FAT4: variants seen among roughly 807,000 people sequenced by gnomAD.
The protein encoded by FAT4 is FAT atypical cadherin 4, also known as protocadherin Fat 4.
Under a neutral mutation model 303.9 loss-of-function variants are expected in FAT4, and 84 were observed. The ratio of observed to expected loss-of-function variants is 0.28; its 90% CI spans 0.23 to 0.33. The LOEUF is 0.33. FAT4 is among the 10% of genes least tolerant of loss of function. FAT4 has a pLI of 1.00. For synonymous variants in FAT4, 2,307 were observed against 2,298.8 expected, an observed-to-expected ratio of 1.00 and a Z score of -0.10; for missense variants, 6,005 against 6,146.8, an observed-to-expected ratio of 0.98 and a Z score of 0.77.
intron 7 of FAT4, among the ~76,000 whole-genome samples, chr4:125,420,204 G>A (rs970620496): frequency 6.6e-6 from 1 of 152,014 alleles, no homozygotes; most frequent in African/African-American, 2.4e-5. Flanking sequence ...ATCTAAAATT[G>A]TGTTCTTCTA....
intron 2 of FAT4, among the ~76,000 whole-genome samples, chr4:125,326,366 A>G (rs1389236315): frequency 1.3e-5 from 2 of 151,864 alleles, no homozygotes; most frequent in African/African-American, 4.8e-5. Flanking sequence ...GAATACAGGC[A>G]AGAGAGCTGG....
At chr4:125,442,501 G>T (rs1725694506) in intron 8 of FAT4, among the ~76,000 whole-genome samples, 1 of 151,976 alleles carries the variant, frequency 6.6e-6, no homozygotes, top group African/African-American at 2.4e-5. Context: ...TAAACTTTTT[G>T]AGCATGAACA....
At chr4:125,459,658 CTT>C (rs1201821694) in intron 10 of FAT4, among the ~76,000 whole-genome samples, 1 of 152,022 alleles carries the variant, frequency 6.6e-6, no homozygotes, top group East Asian at 1.9e-4. Flanking sequence ...AAGGAGGCCT[CTT>C]GAGTTCAAGA....
intron 2 of FAT4, chr4:125,362,932 T>C (rs1732727485): frequency 6.6e-6 from 1 of 151,740 alleles, no homozygotes; most frequent in African/African-American, 2.4e-5. Flanking sequence ...AGTCAAAAAA[T>C]AAAACAAACA....
At chr4:125,472,952 T>A (rs1412272593) in intron 12 of FAT4, among the ~76,000 whole-genome samples, 1 of 152,172 alleles carries the variant, frequency 6.6e-6, no homozygotes, top group Non-Finnish European at 1.5e-5. Context: ...ATCAATCATT[T>A]TAGTTATAGA....
At chr4:125,458,744 G>A (rs547156564) in intron 10 of FAT4, among the ~76,000 whole-genome samples, 9 of 151,988 alleles carry the variant, frequency 5.9e-5, no homozygotes, top group Non-Finnish European at 1.2e-4. Flanking sequence ...TAGTCTCATT[G>A]AGGTTGTGTT....
In FAT4 at chr4:125,319,817, A is replaced by T. The variant is rs537086866; in HGVS notation, c.3406A>T (p.Arg1136Trp). ...DKDFGPNGEVRYSFEMVQPDF... is the reference protein window; with the variant it reads ...DKDFGPNGEVWYSFEMVQPDF... ...AGACTTTGGGCCAAATGGAGAAGTA[A>T]GGTATTCTTTTGAAATGGTGCAGCC... The change falls in exon 2 of 18, where the codon AGG becomes TGG. Residue 1136 changes from arginine (R) to tryptophan (W), a missense_variant. Physicochemically the swap from Arg to Trp is moderately radical, Grantham distance 101. Coordinates refer to ENST00000394329, the MANE Select transcript of FAT4 (RefSeq NM_001291303.3). 6.2e-7 allele frequency: 1 copy of T among 1,614,198 alleles called. No homozygotes were observed. The highest frequency in any genetic ancestry group is 2.2e-5 in the East Asian group (1 of 44,874).
At position 125,318,644 on chromosome 4, in the gene FAT4, A is replaced by G; in HGVS notation, c.2233A>G (p.Ile745Val). 1.9e-6 allele frequency: 3 copies of G among 1,614,124 alleles called. No homozygotes were observed. The highest frequency in any genetic ancestry group is 1.1e-5 in the South Asian group (1 of 91,074). The change falls in exon 2 of 18, where the codon ATT (isoleucine) becomes GTT (valine). Residue 745 changes from isoleucine (I) to valine (V), a missense_variant. Transcript: ENST00000394329. ...RFQVNAQSGV[I>V]STRMALDREE... ...TCAGGTCAATGCTCAGAGTGGGGTT[A>G]TTTCTACAAGAATGGCCCTAGACAG...
intron 7 of FAT4, among the ~76,000 whole-genome samples, chr4:125,432,497 A>G (rs1446692112): frequency 1.3e-5 from 2 of 152,168 alleles, no homozygotes; most frequent in Admixed American, 6.5e-5. Flanking sequence ...GAATTTTGAC[A>G]GTCTTATTTG....
At chr4:125,385,912 G>C (rs149915024) in intron 2 of FAT4, among the ~76,000 whole-genome samples, 8 of 152,170 alleles carry the variant, frequency 5.3e-5, no homozygotes, top group Admixed American at 4.6e-4. Flanking sequence ...ATGAAAAATA[G>C]AAAACAAATA....
intron 2 of FAT4, among the ~76,000 whole-genome samples, chr4:125,386,615 G>C (rs921184093): frequency 2.0e-5 from 3 of 152,022 alleles, no homozygotes; most frequent in African/African-American, 7.2e-5. Flanking sequence ...AAAGAACAAT[G>C]CATTTCCAAA....
At chr4:125,386,688 A>C (rs1018845996) in intron 2 of FAT4, among the ~76,000 whole-genome samples, 1 of 152,166 alleles carries the variant, frequency 6.6e-6, no homozygotes, top group Non-Finnish European at 1.5e-5. Flanking sequence ...ATCACATAAA[A>C]TTTTATTCAT....
chr4:125,388,691 T>C (rs1733859875), intron 2 of FAT4, among the ~76,000 whole-genome samples: 1 of 152,212 alleles, frequency 6.6e-6, no homozygotes, highest in African/African-American at 2.4e-5. Flanking sequence ...ATTGAAGTGG[T>C]TACACATGGT....
chr4:125,460,793 A>T (rs1359209314), intron 10 of FAT4, among the ~76,000 whole-genome samples: 1 of 152,108 alleles, frequency 6.6e-6, no homozygotes, highest in African/African-American at 2.4e-5. Flanking sequence ...TCCTCTGGGT[A>T]TATACCCAGT....
chr4:125,452,430 C>T lies in FAT4; in HGVS notation c.11420C>T (p.Ser3807Phe). The T allele has an allele frequency of 6.2e-7, 1 of 1,614,094 alleles. No individual in the cohort carries two copies. Among genetic ancestry groups the T allele is most frequent in the South Asian group, 1.1e-5 (1 of 91,084 alleles). The change falls in exon 10 of 18, where the codon TCC becomes TTC. Residue 3807 changes from serine (S) to phenylalanine (F), a missense_variant. Physicochemically the swap from Ser to Phe is radical, Grantham distance 155. Coordinates refer to ENST00000394329, the MANE Select transcript of FAT4 (RefSeq NM_001291303.3). ...GVKVESVDHD[S>F]CVHGPCQNGG... Reference sequence around the variant, plus strand: ...AAGGTGGAATCTGTGGATCATGACTCCTGTGTGCATGGCCCATGTCAGAAT... The same window carrying T: ...AAGGTGGAATCTGTGGATCATGACTTCTGTGTGCATGGCCCATGTCAGAAT...
chr4:125,379,397 C>T lies in FAT4; in HGVS notation c.5176-19387C>T, dbSNP rs192918812. On this transcript the variant is annotated intron_variant, in intron 2 of 17. Transcript: ENST00000394329. ...CTTGACTTGCAACTTCATTGGTTGC[C>T]TTGGAGAGTTTATAAAAAAGTTATT... Among the ~76,000 whole-genome samples, 405 of 151,712 alleles carry T rather than the reference C, an allele frequency of 2.7e-3. 1 individual carries two copies. The highest frequency in any genetic ancestry group is 0.01 in the Middle Eastern group (3 of 294).
At chr4:125,332,159 CT>C (rs199702900) in intron 2 of FAT4, among the ~76,000 whole-genome samples, 28,345 of 133,262 alleles carry the variant, frequency 0.21, 3,589 homozygotes, top group African/African-American at 0.39. Context: ...CCGTTCCATT[CT>C]TTTTTTTTTT....
intron 3 of FAT4, among the ~76,000 whole-genome samples, chr4:125,400,394 C>T (rs971607619): frequency 2.0e-5 from 3 of 151,984 alleles, no homozygotes; most frequent in African/African-American, 7.2e-5. Flanking sequence ...TTCCAACACT[C>T]ACCCCTTTTA....
chr4:125,492,072 T>G lies in FAT4; in HGVS notation c.*304T>G. ...TTGATTTGTGATTTTTAAAAATTGA[T>G]ACCTTTACCATTGCAGAAAAGAACT... On this transcript the variant is annotated 3_prime_UTR_variant, in exon 18 of 18. Coordinates refer to ENST00000394329, the MANE Select transcript of FAT4 (RefSeq NM_001291303.3). 3.3e-6 allele frequency: 1 copy of G among 299,428 alleles called. No individual in the cohort carries two copies. The allele number at this position is 299,428 out of a possible 1,614,324, so 18.5% of individuals were successfully genotyped here. A position where few individuals can be genotyped will look rare whatever the true frequency, so the allele number is the denominator to read the frequency against.
Sources: gnomAD v4.1 joint callset for allele counts (sites outside exome capture counted in the v4.1 genomes callset) on GRCh38, gnomAD v4.1.1 for gene constraint, MANE v1.5 for transcripts, NCBI Gene and HGNC (gene_info 2026-07-23, HGNC 2026-07-21) for gene names.